Variants in CCDC171 observed in about 807,000 individuals in gnomAD.
The protein encoded by CCDC171 is coiled-coil domain-containing protein 171.
CCDC171 carries 177 observed loss-of-function variants against 168.2 expected under a neutral mutation model. The ratio of observed to expected loss-of-function variants is 1.05; its 90% CI spans 0.93 to 1.19. CCDC171 has a LOEUF of 1.19. Among genes scored for constraint, CCDC171 ranks in the 50% most tolerant of loss-of-function variants. The pLI, the probability that CCDC171 is intolerant of heterozygous loss-of-function variation, is 0.00. For synonymous variants in CCDC171, 687 were observed against 540.8 expected (o/e 1.27, Z -3.75); for missense variants, 1,991 against 1,539.0 (o/e 1.29, Z -4.91).
intron 6 of CCDC171, among the ~76,000 whole-genome samples, chr9:15,594,558 A>G (rs1362467383): frequency 6.6e-6 from 1 of 152,154 alleles, no homozygotes; most frequent in Non-Finnish European, 1.5e-5. Context: ...TCTTTTTAAG[A>G]AGTACAAATT....
chr9:16,035,556 G>T (rs1403406422), intron 7 of CCDC171: 5 of 152,166 alleles, frequency 3.3e-5, no homozygotes, highest in Admixed American at 2.6e-4. Flanking sequence ...TCCACTCCAA[G>T]TTCCAAGCAT....
chr9:15,672,344 CTTTAG>C (rs1398511950), intron 9 of CCDC171, among the ~76,000 whole-genome samples: 4 of 152,272 alleles, frequency 2.6e-5, no homozygotes, highest in African/African-American at 9.6e-5. Context: ...TGCAGAAGCT[CTTTAG>C]TTTAATTCAA....
intron 3 of CCDC171, among the ~76,000 whole-genome samples, chr9:15,979,720 A>G (rs1057092606): frequency 3.3e-5 from 5 of 151,230 alleles, no homozygotes; most frequent in African/African-American, 1.2e-4. Context: ...GAGATTTTGC[A>G]TCTCTGAAAA....
chr9:15,678,846 C>A lies in CCDC171; in HGVS notation c.1165C>A (p.Leu389Ile). The A allele has an allele frequency of 1.3e-6, 2 of 1,594,428 alleles. No individual in the cohort carries two copies. Among genetic ancestry groups the A allele is most frequent in the Middle Eastern group, 1.7e-4 (1 of 5,972 alleles). Residue 389 changes from leucine (L) to isoleucine (I), a missense_variant, in exon 10 of 26, where the codon CTC (leucine) becomes ATC (isoleucine). By Grantham distance (5) the Leu-to-Ile change is conservative (BLOSUM62 2). Transcript: ENST00000380701. ...KKVIIDLSKR[L>I]QYNEKSCSEL... ...AGTAATTATAGACCTTTCAAAGAGA[C>A]TCCAGTATAATGAAAAAAGTTGCAG...
At chr9:15,902,461 T>C (rs1400650809) in intron 24 of CCDC171, among the ~76,000 whole-genome samples, 1 of 150,728 alleles carries the variant, frequency 6.6e-6, no homozygotes, top group Non-Finnish European at 1.5e-5. Flanking sequence ...TTTTGTTTGA[T>C]TGATAGGTAG....
At position 15,837,657 on chromosome 9, in the gene CCDC171, C is replaced by G. The variant is rs574009350; in HGVS notation, c.3268-9045C>G. ...ACTTTGAATATGCTTCCAACTGTTG[C>G]TGAAACTGGTTGATTTAGTTGTGAG... On this transcript the variant is annotated intron_variant, in intron 21 of 25. Coordinates refer to ENST00000380701, the MANE Select transcript of CCDC171 (RefSeq NM_173550.4). 8.5e-5 allele frequency among the ~76,000 whole-genome samples: 13 copies of G among 152,308 alleles called. No individual in the cohort carries two copies. The South Asian group carries it at 2.3e-3, about 27-fold the overall frequency.
rs749649718 is a variant in CCDC171, at chr9:15,695,361, A to G, written c.1318+24A>G. 2.6e-6 allele frequency: 4 copies of G among 1,551,662 alleles called. No individual in the cohort carries two copies. The African/African-American group carries it at 4.1e-5, about 16-fold the overall frequency. ...AGGTTAGTTGAAGGTATAAAATGAC[A>G]GATGCATCTGTCAATGTTCCAAAGT... is the stretch of plus-strand genomic sequence containing the variant. On this transcript the variant is annotated intron_variant, in intron 11 of 25. Coordinates refer to ENST00000380701, the MANE Select transcript of CCDC171 (RefSeq NM_173550.4).
chr9:15,793,749 A>G (rs116939589), intron 21 of CCDC171, among the ~76,000 whole-genome samples: 2,810 of 151,522 alleles, frequency 0.019, 152 homozygotes, highest in Admixed American at 0.12. Flanking sequence ...GTGTTTCACC[A>G]TATTGGCTAG....
intron 23 of CCDC171, among the ~76,000 whole-genome samples, chr9:15,868,486 C>T (rs191996083): frequency 1.3e-3 from 124 of 92,168 alleles, no homozygotes; most frequent in African/African-American, 3.3e-3. Flanking sequence ...TGTGTGTACA[C>T]GTGTGTGTGT....
chr9:15,895,808 T>G (rs1169479), intron 24 of CCDC171, among the ~76,000 whole-genome samples: 1 of 151,854 alleles, frequency 6.6e-6, no homozygotes, highest in Non-Finnish European at 1.5e-5. Context: ...GTGGCAATTC[T>G]GTAATTTACC....
chr9:15,692,320 C>G (rs1200731741), intron 10 of CCDC171, among the ~76,000 whole-genome samples: 1 of 151,680 alleles, frequency 6.6e-6, no homozygotes, highest in Non-Finnish European at 1.5e-5. Context: ...TTGCACTGAG[C>G]CGAGATTGTT....
At chr9:15,629,799 G>T (rs946099123) in intron 7 of CCDC171, among the ~76,000 whole-genome samples, 4 of 152,192 alleles carry the variant, frequency 2.6e-5, no homozygotes, top group East Asian at 1.9e-4. Context: ...TACCCACAAA[G>T]GGAAGCCCAT....
intron 6 of CCDC171, among the ~76,000 whole-genome samples, chr9:15,602,222 T>G (rs1019335857): frequency 6.7e-6 from 1 of 150,342 alleles, no homozygotes; most frequent in Non-Finnish European, 1.5e-5. Context: ...GTTGTGACTT[T>G]ATGTTAAAAA....
chr9:15,655,178 AT>A (rs1191512446), intron 7 of CCDC171, among the ~76,000 whole-genome samples: 5 of 19,856 alleles, frequency 2.5e-4, no homozygotes, highest in Non-Finnish European at 4.3e-4. Flanking sequence ...AACTTAAAGT[AT>A]AAAAAAAAAA....
chr9:15,738,855 A>G (rs1318446904), intron 16 of CCDC171, among the ~76,000 whole-genome samples: 2 of 152,160 alleles, frequency 1.3e-5, no homozygotes, highest in Non-Finnish European at 2.9e-5. Flanking sequence ...TTTACACTCT[A>G]AAGCTTTTTT....
chr9:15,844,608 G>A (rs550921504), intron 21 of CCDC171, among the ~76,000 whole-genome samples: 39 of 152,000 alleles, frequency 2.6e-4, no homozygotes, highest in African/African-American at 9.2e-4. Flanking sequence ...CATACTCAAG[G>A]AAGTATGAAT....
the CCDC171 span, among the ~76,000 whole-genome samples, chr9:16,075,314 G>T: frequency 6.6e-6 from 1 of 152,024 alleles, no homozygotes; most frequent in Non-Finnish European, 1.5e-5. Flanking sequence ...ACTTTTTCTT[G>T]TAATTAAAAT....
chr9:16,060,516 A>G (rs1833918197), intron 1 of CCDC171: 1 of 152,256 alleles, frequency 6.6e-6, no homozygotes, highest in Non-Finnish European at 1.5e-5. Flanking sequence ...TAAGTGAGAC[A>G]TTGCTATCAA....
At chr9:15,656,766 A>G (rs188960904) in intron 7 of CCDC171, among the ~76,000 whole-genome samples, 360 of 152,314 alleles carry the variant, frequency 2.4e-3, no homozygotes, top group African/African-American at 7.9e-3. Context: ...GGCATTACCA[A>G]GAGACATAAG....
Sources: gnomAD v4.1 joint callset for allele counts (sites outside exome capture counted in the v4.1 genomes callset) on GRCh38, gnomAD v4.1.1 for gene constraint, MANE v1.5 for transcripts, NCBI Gene and HGNC (gene_info 2026-07-23, HGNC 2026-07-21) for gene names.